Variants in SOX5 observed in about 807,000 individuals in gnomAD.
SOX5 encodes the protein SRY-box transcription factor 5.
SOX5 carries 9 observed loss-of-function variants against 92.0 expected under a neutral mutation model. The ratio of observed to expected loss-of-function variants is 0.10; its 90% CI spans 0.06 to 0.17. The LOEUF (loss-of-function observed/expected upper bound fraction) is 0.17. Ranked by LOEUF, SOX5 falls within the 10% of genes least tolerant of loss-of-function variation. SOX5 has a pLI of 1.00. For missense variants in SOX5, 642 were observed against 944.5 expected, an observed-to-expected ratio of 0.68 and a Z score of 4.20; for synonymous variants, 344 against 336.3, an observed-to-expected ratio of 1.02 and a Z score of -0.25.
At chr12:24,497,171 G>A (rs968423877) in intron 1 of SOX5, among the ~76,000 whole-genome samples, 9 of 152,162 alleles carry the variant, frequency 5.9e-5, no homozygotes, top group Non-Finnish European at 1.3e-4. Context: ...AATCATGAAG[G>A]AAAATTAATA....
At chr12:24,524,899 G>A (rs1950569948) in intron 1 of SOX5, among the ~76,000 whole-genome samples, 2 of 152,158 alleles carry the variant, frequency 1.3e-5, no homozygotes, top group Admixed American at 1.3e-4. Context: ...GCATGTTTGA[G>A]ATTGCAGTGA....
chr12:23,604,589 G>A lies in SOX5; in HGVS notation c.1018-56C>T, dbSNP rs550204534. On this transcript the variant is annotated intron_variant, in intron 8 of 14. Coordinates refer to ENST00000451604, the MANE Select transcript of SOX5 (RefSeq NM_006940.6). ...GAATACTGTGAATAATAAAATAAAC[G>A]TACCATTCAGAAAGTACATATATTC... The A allele has an allele frequency of 5.2e-5, 79 of 1,526,636 alleles. No homozygotes were observed. The African/African-American group carries it at 8.9e-4, about 17-fold the overall frequency. 94.6% of individuals were successfully genotyped at this position (1,526,636 alleles called of 1,614,324 possible).
In SOX5 at chr12:23,886,424, T is replaced by C. The variant is rs145102890; in HGVS notation, c.270+9369A>G. The stretch of plus-strand genomic sequence containing the variant: ...TAACTGATGTGGCCAAGAAGAAATA[T>C]GGTGTAAGCATTATGTGATACATTT... On this transcript the variant is annotated intron_variant, in intron 2 of 14. Coordinates refer to ENST00000451604, the MANE Select transcript of SOX5 (RefSeq NM_006940.6). Among the ~76,000 whole-genome samples, 341 of 152,238 alleles carry C rather than the reference T, an allele frequency of 2.2e-3. 1 individual carries two copies. Among genetic ancestry groups the C allele is most frequent in the East Asian group, 0.011 (56 of 5,174 alleles).
intron 1 of SOX5, among the ~76,000 whole-genome samples, chr12:24,558,356 G>A (rs1954011670): frequency 6.6e-6 from 1 of 152,092 alleles, no homozygotes; most frequent in South Asian, 2.1e-4. Flanking sequence ...GGGCTTTGGA[G>A]GAAACAACCC....
intron 1 of SOX5, among the ~76,000 whole-genome samples, chr12:24,549,925 G>A (rs1952988228): frequency 6.6e-6 from 1 of 152,172 alleles, no homozygotes. Flanking sequence ...AATGATTCAG[G>A]GTGAGAGGGG....
intron 4 of SOX5, among the ~76,000 whole-genome samples, chr12:24,206,066 T>C (rs748645953): frequency 2.0e-5 from 3 of 152,182 alleles, no homozygotes; most frequent in Non-Finnish European, 4.4e-5. Context: ...CACATGCACA[T>C]GATACCTGGG....
Position 24,540,398 on chromosome 12 carries a change from CACTT to C in SOX5, c.-251+21927_-251+21930del, listed in dbSNP as rs377665616. ...TTAATGGTCACCTTAGAACACTACT[CACTT>C]AAAGATCAGCCATTATTCACAGTAT... On this transcript the variant is annotated intron_variant, in intron 1 of 4. Transcript: ENST00000446891. Among the ~76,000 whole-genome samples, 783 of 152,196 alleles carry C rather than the reference CACTT, an allele frequency of 5.1e-3. 3 individuals are homozygous for C. The highest frequency in any genetic ancestry group is 8.8e-3 in the Non-Finnish European group (595 of 67,942).
intron 1 of SOX5, among the ~76,000 whole-genome samples, chr12:24,424,802 T>C (rs1966466053): frequency 8.3e-6 from 1 of 120,448 alleles, no homozygotes; most frequent in Admixed American, 8.9e-5. Flanking sequence ...TTGTGAGTTT[T>C]TTTTTTGGGG....
intron 3 of SOX5, among the ~76,000 whole-genome samples, chr12:23,813,687 T>C (rs2142488492): frequency 6.6e-6 from 1 of 152,340 alleles, no homozygotes; most frequent in African/African-American, 2.4e-5. Context: ...CCGTGTACCA[T>C]TTTGCTACAG....
At chr12:23,950,744 G>T, upstream of SOX5, 1 of 846,488 alleles carries the variant, frequency 1.2e-6, no homozygotes, top group South Asian at 1.5e-5. Flanking sequence ...TGGCTGGCAA[G>T]GCACAGCCTC....
At chr12:24,296,818 T>TA (rs34459785) in intron 2 of SOX5, among the ~76,000 whole-genome samples, 26,063 of 137,360 alleles carry the variant, frequency 0.19, 2,791 homozygotes, top group Middle Eastern at 0.28. Flanking sequence ...ACATTGTTCT[T>TA]AAAAAAAAAA....
intron 6 of SOX5, among the ~76,000 whole-genome samples, chr12:23,718,091 T>G (rs2092612402): frequency 6.9e-6 from 1 of 144,072 alleles, no homozygotes; most frequent in Non-Finnish European, 1.6e-5. Flanking sequence ...AAAACCTTTC[T>G]GCAAAGGAGT....
intron 6 of SOX5, among the ~76,000 whole-genome samples, chr12:23,730,546 GAATT>G (rs1324150583): frequency 1.3e-5 from 2 of 152,272 alleles, no homozygotes; most frequent in Non-Finnish European, 1.5e-5. Context: ...AATCCTTAAT[GAATT>G]AGGTGGGTCA....
intron 1 of SOX5, among the ~76,000 whole-genome samples, chr12:24,384,428 G>A (rs1028978851): frequency 3.9e-5 from 6 of 152,114 alleles, no homozygotes; most frequent in African/African-American, 1.4e-4. Flanking sequence ...CTGCCTTATG[G>A]TACCTCACAA....
intron 7 of SOX5, among the ~76,000 whole-genome samples, chr12:23,653,121 C>A (rs771039819): frequency 1.3e-5 from 2 of 151,744 alleles, no homozygotes; most frequent in Non-Finnish European, 2.9e-5. Flanking sequence ...TCAGACCTTT[C>A]GTGGTTTTCT....
At position 24,095,090 on chromosome 12, in the gene SOX5, A is replaced by AACACACACACACAC. The variant is rs150030739; in HGVS notation, c.-2+118239_-2+118252dup. On this transcript the variant is annotated intron_variant, in intron 4 of 4. Coordinates refer to the SOX5 transcript ENST00000446891. ...ACTTTCTTATAATTTCTAGCCCCGA[A>AACACACACACACAC]ACACACACACACACACACACACACA... is the stretch of plus-strand genomic sequence containing the variant. Among the ~76,000 whole-genome samples, 625 of 131,590 alleles carry AACACACACACACAC rather than the reference A, an allele frequency of 4.7e-3. 10 individuals carry two copies. The highest frequency in any genetic ancestry group is 0.011 in the African/African-American group (384 of 33,680). 86.3% of individuals were successfully genotyped at this position (131,590 alleles called of 152,430 possible).
chr12:24,458,542 G>C (rs942163276), intron 1 of SOX5, among the ~76,000 whole-genome samples: 4 of 151,968 alleles, frequency 2.6e-5, no homozygotes, highest in South Asian at 2.1e-4. Flanking sequence ...ACAAATCTCT[G>C]GGGGGTAGGA....
At chr12:23,768,571 A>G (rs778080437) in intron 3 of SOX5, among the ~76,000 whole-genome samples, 2 of 152,220 alleles carry the variant, frequency 1.3e-5, no homozygotes, top group Non-Finnish European at 2.9e-5. Flanking sequence ...ATTAGGATAA[A>G]TTAGGAACAT....
At chr12:23,922,875 T>A (rs1938746344) in intron 1 of SOX5, among the ~76,000 whole-genome samples, 1 of 151,696 alleles carries the variant, frequency 6.6e-6, no homozygotes. Context: ...CTGAAACGGG[T>A]AGAAAGAAGA....
Sources: gnomAD v4.1 joint callset for allele counts (sites outside exome capture counted in the v4.1 genomes callset) on GRCh38, gnomAD v4.1.1 for gene constraint, MANE v1.5 for transcripts, NCBI Gene and HGNC (gene_info 2026-07-23, HGNC 2026-07-21) for gene names.